The following TRIM5 variants were observed in gnomAD, a reference collection of about 807,000 sequenced individuals.
The protein encoded by TRIM5 is tripartite motif-containing protein 5.
In TRIM5, 31 loss-of-function variants were observed where a neutral mutation model predicts 35.6. The observed-to-expected ratio is 0.87, with a 90% CI of 0.65 to 1.18. TRIM5 has a LOEUF of 1.18. TRIM5 is among the 50% of genes most tolerant of loss of function. TRIM5 has a pLI of 0.00. For synonymous variants in TRIM5, 243 were observed against 215.6 expected, an observed-to-expected ratio of 1.13 and a Z score of -1.11; for missense variants, 609 against 591.6, an observed-to-expected ratio of 1.03 and a Z score of -0.31.
chr11:5,615,057 T>C, the TRIM5 span, among the ~76,000 whole-genome samples: 2 of 152,238 alleles, frequency 1.3e-5, no homozygotes, highest in Admixed American at 1.3e-4. Context: ...AAATTATATT[T>C]TTTCCCAAAT....
chr11:5,670,292 T>C (rs1048707703), intron 4 of TRIM5, among the ~76,000 whole-genome samples: 7 of 150,906 alleles, frequency 4.6e-5, no homozygotes, highest in Admixed American at 6.6e-5. Context: ...ATTCTCCTGT[T>C]TCAGCCTCCC....
chr11:5,636,606 C>A, the TRIM5 span, among the ~76,000 whole-genome samples: 2 of 152,096 alleles, frequency 1.3e-5, no homozygotes, highest in Admixed American at 6.6e-5. Flanking sequence ...CCCTTTGAAT[C>A]GCCACCTTCA....
intron 3 of TRIM5, among the ~76,000 whole-genome samples, 200 bp from the exon 4 acceptor site, chr11:5,678,634 G>A (rs2134110216): frequency 6.6e-6 from 1 of 152,170 alleles, no homozygotes; most frequent in Non-Finnish European, 1.5e-5. Flanking sequence ...GTATATTGAG[G>A]TTCATCCTGC....
At chr11:5,596,529 T>TCCCCCTCCCCCCTC in the TRIM5 span, 1 of 5,494 alleles carries the variant, frequency 1.8e-4, no homozygotes, top group Non-Finnish European at 4.0e-4. Flanking sequence ...CTTCCCCCCT[T>TCCCCCTCCCCCCTC]CCCCCTTCCC....
chr11:5,650,980 A>G, the TRIM5 span, among the ~76,000 whole-genome samples: 1 of 152,174 alleles, frequency 6.6e-6, no homozygotes, highest in African/African-American at 2.4e-5. Flanking sequence ...AGATTTAGCA[A>G]CGCCTGTATC....
chr11:5,680,929 C>G (rs1852388862), intron 1 of TRIM5, among the ~76,000 whole-genome samples: 1 of 152,184 alleles, frequency 6.6e-6, no homozygotes, highest in Non-Finnish European at 1.5e-5. Context: ...CTTTGCTACT[C>G]TTTTGGTTAA....
chr11:5,655,917 T>G, the TRIM5 span, among the ~76,000 whole-genome samples: 1 of 152,220 alleles, frequency 6.6e-6, no homozygotes, highest in African/African-American at 2.4e-5. Flanking sequence ...GATTCTCTAT[T>G]TAATAAATGG....
the TRIM5 span, among the ~76,000 whole-genome samples, chr11:5,639,892 C>T: frequency 6.6e-6 from 1 of 151,966 alleles, no homozygotes; most frequent in African/African-American, 2.4e-5. Context: ...GATTTTGGCA[C>T]AGGTATACAA....
the TRIM5 span, among the ~76,000 whole-genome samples, chr11:5,591,821 T>C: frequency 6.6e-6 from 1 of 152,248 alleles, no homozygotes; most frequent in East Asian, 1.9e-4. Context: ...CTCCTCAGTC[T>C]GAGCATTTGG....
At chr11:5,675,660 T>C (rs1475352051) in intron 4 of TRIM5, among the ~76,000 whole-genome samples, 1 of 95,786 alleles carries the variant, frequency 1.0e-5, no homozygotes, top group African/African-American at 2.9e-5. Flanking sequence ...TTTCTTGCAT[T>C]TCTTTTTTTT....
At chr11:5,655,227 C>A in the TRIM5 span, among the ~76,000 whole-genome samples, 118 of 150,568 alleles carry the variant, frequency 7.8e-4, 2 homozygotes, top group East Asian at 0.015. Context: ...CCTTTTCTTG[C>A]CTTTAGGAAA....
At chr11:5,620,332 T>G in the TRIM5 span, among the ~76,000 whole-genome samples, 2 of 151,736 alleles carry the variant, frequency 1.3e-5, no homozygotes, top group Middle Eastern at 3.2e-3. Context: ...CGCGCGCCAC[T>G]GCACCCAGCT....
chr11:5,604,792 G>C, the TRIM5 span: 7 of 665,096 alleles, frequency 1.1e-5, no homozygotes, highest in Non-Finnish European at 1.7e-5. Context: ...AGGGGGAGGA[G>C]AGGAGGTAAA....
the TRIM5 span, among the ~76,000 whole-genome samples, chr11:5,597,331 T>C: frequency 6.6e-6 from 1 of 152,226 alleles, no homozygotes; most frequent in African/African-American, 2.4e-5. Context: ...TCATTATTAC[T>C]GGCAAACTCC....
chr11:5,658,613 T>TC, downstream of TRIM5, among the ~76,000 whole-genome samples: 1 of 152,372 alleles, frequency 6.6e-6, no homozygotes, highest in South Asian at 2.1e-4. Flanking sequence ...TTTGTCACTT[T>TC]CTAGTGCCTT....
intron 4 of TRIM5, among the ~76,000 whole-genome samples, chr11:5,677,546 C>T (rs145213605): frequency 0.013 from 2,037 of 152,258 alleles, 32 homozygotes; most frequent in South Asian, 0.023. Context: ...GTCAGTGTGG[C>T]GATTCCTCAG....
At chr11:5,615,494 A>G in the TRIM5 span, among the ~76,000 whole-genome samples, 195 of 151,776 alleles carry the variant, frequency 1.3e-3, 5 homozygotes, top group South Asian at 0.039. Context: ...TTATGGAATG[A>G]CCCTCTATCT....
the TRIM5 span, among the ~76,000 whole-genome samples, chr11:5,653,584 C>T: frequency 4.6e-5 from 7 of 151,226 alleles, no homozygotes; most frequent in South Asian, 2.1e-4. Context: ...ATCTGCCTCC[C>T]GGGTTCAAGC....
chr11:5,645,638 T>C, the TRIM5 span: 1 of 157,726 alleles, frequency 6.3e-6, no homozygotes, highest in Non-Finnish European at 1.4e-5. Context: ...GAAGGTCTAA[T>C]GTTTTGGGTC....
Sources: allele counts gnomAD v4.1 joint callset (sites outside exome capture counted in the v4.1 genomes callset), GRCh38; gene constraint gnomAD v4.1.1; transcripts MANE v1.5; gene names NCBI Gene and HGNC (gene_info 2026-07-23, HGNC 2026-07-21).